RORB: variants seen among roughly 807,000 people sequenced by gnomAD.
RORB encodes nuclear receptor ROR-beta.
In RORB, 6 loss-of-function variants were observed where a neutral mutation model predicts 59.1. The observed-to-expected ratio is 0.10, with a 90% CI of 0.06 to 0.20. The LOEUF (loss-of-function observed/expected upper bound fraction) is 0.20, where lower values mean the gene tolerates loss of function less well. Ranked by LOEUF, RORB falls within the 10% of genes least tolerant of loss-of-function variation. The pLI, the probability that RORB is intolerant of heterozygous loss-of-function variation, is 1.00. For synonymous variants in RORB, 215 were observed against 204.5 expected, an observed-to-expected ratio of 1.05 and a Z score of -0.44; for missense variants, 320 against 560.5, an observed-to-expected ratio of 0.57 and a Z score of 4.33.
chr9:74,564,900 A>G (rs1048372082), intron 1 of RORB, among the ~76,000 whole-genome samples: 2 of 152,198 alleles, frequency 1.3e-5, no homozygotes, highest in Non-Finnish European at 2.9e-5. Context: ...GCATTGATAA[A>G]GTGTGGCTTT....
intron 1 of RORB, among the ~76,000 whole-genome samples, chr9:74,616,097 T>A (rs960898638): frequency 6.6e-6 from 1 of 152,214 alleles, no homozygotes; most frequent in Non-Finnish European, 1.5e-5. Flanking sequence ...TCAAACATAA[T>A]AGCTATTTGG....
In RORB at chr9:74,587,165, G is replaced by A. The variant is rs535694505; in HGVS notation, c.8-43117G>A. ...GGAGGTCCAGCCTAGTCAATCCACG[G>A]TGGTCTGAATCAACGGTTTCAGGAT... On this transcript the variant is annotated intron_variant, in intron 1 of 9. Coordinates refer to ENST00000376896, the MANE Select transcript of RORB (RefSeq NM_006914.4). Among the ~76,000 whole-genome samples, 7 of 152,252 alleles carry A rather than the reference G, an allele frequency of 4.6e-5. No homozygotes were observed. The South Asian group carries it at 1.5e-3, about 32-fold the overall frequency.
chr9:74,525,850 G>A (rs1386436725), intron 1 of RORB, among the ~76,000 whole-genome samples: 1 of 151,858 alleles, frequency 6.6e-6, no homozygotes, highest in Admixed American at 6.6e-5. Flanking sequence ...TGATTTTCAC[G>A]TAGAGCCAAC....
At chr9:74,589,284 A>T (rs1001799629) in intron 1 of RORB, among the ~76,000 whole-genome samples, 3 of 152,210 alleles carry the variant, frequency 2.0e-5, no homozygotes, top group Non-Finnish European at 4.4e-5. Flanking sequence ...GCCCTAAAAG[A>T]ACAAAAAACT....
chr9:74,612,779 G>A (rs902413670), intron 1 of RORB, among the ~76,000 whole-genome samples: 1 of 152,002 alleles, frequency 6.6e-6, no homozygotes, highest in African/African-American at 2.4e-5. Context: ...AGTTCACAGG[G>A]AACAATTCTG....
chr9:74,628,408 G>A (rs1823557480), intron 1 of RORB, among the ~76,000 whole-genome samples: 1 of 152,132 alleles, frequency 6.6e-6, no homozygotes, highest in Non-Finnish European at 1.5e-5. Flanking sequence ...GTTACTGAAT[G>A]AAGTATCAGG....
intron 1 of RORB, among the ~76,000 whole-genome samples, chr9:74,532,080 C>A (rs1391315854): frequency 6.6e-6 from 1 of 151,924 alleles, no homozygotes; most frequent in African/African-American, 2.4e-5. Flanking sequence ...CATTTGCAAT[C>A]AGAAATTTTG....
chr9:74,566,595 G>A (rs975389678), intron 1 of RORB, among the ~76,000 whole-genome samples: 1 of 152,142 alleles, frequency 6.6e-6, no homozygotes, highest in Admixed American at 6.5e-5. Flanking sequence ...TCAGGAGTTC[G>A]AGACTAGCCT....
intron 1 of RORB, among the ~76,000 whole-genome samples, chr9:74,510,903 C>T (rs1230086086): frequency 6.6e-6 from 1 of 152,058 alleles, no homozygotes; most frequent in Non-Finnish European, 1.5e-5. Flanking sequence ...TGTGATGACA[C>T]CCTCATATTC....
At chr9:74,555,800 C>T (rs1822278694) in intron 1 of RORB, among the ~76,000 whole-genome samples, 1 of 152,114 alleles carries the variant, frequency 6.6e-6, no homozygotes, top group South Asian at 2.1e-4. Context: ...TCTGCAAATG[C>T]GTTCTTGACA....
chr9:74,674,614 G>A (rs543738227), intron 9 of RORB, among the ~76,000 whole-genome samples: 6 of 152,190 alleles, frequency 3.9e-5, no homozygotes, highest in Non-Finnish European at 5.9e-5. Context: ...AGTTCAGGTA[G>A]CAGTGCCTTC....
intron 8 of RORB, among the ~76,000 whole-genome samples, chr9:74,671,226 G>A (rs1220714292): frequency 6.6e-6 from 1 of 151,694 alleles, no homozygotes; most frequent in Non-Finnish European, 1.5e-5. Context: ...GATGAAGAGA[G>A]GGAAGAAGGA....
intron 1 of RORB, among the ~76,000 whole-genome samples, chr9:74,501,361 T>C (rs1428762204): frequency 2.0e-5 from 3 of 152,178 alleles, no homozygotes; most frequent in Non-Finnish European, 2.9e-5. Flanking sequence ...CCTTCAGAAG[T>C]ATGGAGCTCT....
chr9:74,533,811 C>A (rs1392436300), intron 1 of RORB, among the ~76,000 whole-genome samples: 3 of 152,024 alleles, frequency 2.0e-5, no homozygotes, highest in Admixed American at 1.3e-4. Context: ...AAATTTCAGA[C>A]TTTTAAGAAT....
intron 9 of RORB, among the ~76,000 whole-genome samples, chr9:74,674,785 G>A (rs1392326625): frequency 6.6e-6 from 1 of 152,152 alleles, no homozygotes; most frequent in Non-Finnish European, 1.5e-5. Context: ...AAAACATCTA[G>A]TTTCTTCTCC....
chr9:74,644,102 TA>T (rs1823855818), intron 4 of RORB, among the ~76,000 whole-genome samples: 2 of 152,234 alleles, frequency 1.3e-5, no homozygotes, highest in Admixed American at 1.3e-4. Context: ...ACAAGTGTTT[TA>T]AATTAAGCTG....
chr9:74,619,798 T>G (rs1405147130), intron 1 of RORB, among the ~76,000 whole-genome samples: 2 of 152,190 alleles, frequency 1.3e-5, no homozygotes, highest in African/African-American at 4.8e-5. Flanking sequence ...ATTGAGATAA[T>G]CATGTGGTTT....
At chr9:74,674,066 G>A (rs931054495) in intron 9 of RORB, among the ~76,000 whole-genome samples, 4 of 152,194 alleles carry the variant, frequency 2.6e-5, no homozygotes, top group Admixed American at 1.3e-4. Flanking sequence ...AATATGGACT[G>A]AGCCCCGTTA....
At chr9:74,506,101 A>G (rs1454426618) in intron 1 of RORB, among the ~76,000 whole-genome samples, 1 of 151,956 alleles carries the variant, frequency 6.6e-6, no homozygotes, top group East Asian at 1.9e-4. Flanking sequence ...ATGTATATTG[A>G]GTTTCATTTT....
Sources: gnomAD v4.1 joint callset for allele counts (sites outside exome capture counted in the v4.1 genomes callset) on GRCh38, gnomAD v4.1.1 for gene constraint, MANE v1.5 for transcripts, NCBI Gene and HGNC (gene_info 2026-07-23, HGNC 2026-07-21) for gene names.